CEP131: variants seen among roughly 807,000 people sequenced by gnomAD.
The protein encoded by CEP131 is centrosomal protein 131, also known as centrosomal protein of 131 kDa.
Under a neutral mutation model 136.8 loss-of-function variants are expected in CEP131, and 99 were observed. The ratio of observed to expected loss-of-function variants is 0.72; its 90% CI spans 0.62 to 0.86. The LOEUF (loss-of-function observed/expected upper bound fraction) is 0.86. Among genes scored for constraint, CEP131 ranks in the 40% least tolerant of loss-of-function variants. The pLI is 0.00. For synonymous variants in CEP131, 646 were observed against 612.7 expected (o/e 1.05, Z -0.80); for missense variants, 1,459 against 1,463.0 (o/e 1.00, Z 0.04).
chr17:81,196,662 G>C, intron 15 of CEP131, 39 bp downstream of exon 15: 1 of 1,582,394 alleles, frequency 6.3e-7, no homozygotes, highest in Non-Finnish European at 8.5e-7. Context: ...CATGAGCCAC[G>C]CGCTGGGTCC....
At position 81,200,422 on chromosome 17, in the gene CEP131, G is replaced by C; in HGVS notation, c.813C>G (p.Ala271=). 2 of 1,551,628 alleles carry C rather than the reference G, an allele frequency of 1.3e-6. No individual in the cohort carries two copies. Among genetic ancestry groups the C allele is most frequent in the Non-Finnish European group, 1.7e-6 (2 of 1,147,918 alleles). ...GGTACCAGCGCTGGATGGTGACAGT[G>C]GCCTGGTTCACCTGGTGGATAAACC... ...AERFIHQVNQ[A]TVTIQRWYRH... is the part of the protein sequence containing the mutation. The change falls in exon 8 of 26, where the codon GCC becomes GCG. Residue 271 remains alanine, a synonymous_variant. Transcript: ENST00000450824.
intron 18 of CEP131, among the ~76,000 whole-genome samples, chr17:81,193,661 GC>G (rs1235011682): frequency 6.6e-6 from 1 of 152,206 alleles, no homozygotes; most frequent in Non-Finnish European, 1.5e-5. Flanking sequence ...GGGGTTCCCA[GC>G]CCTGACCCTG....
chr17:81,220,664 T>C (rs563738690), intron 1 of CEP131, among the ~76,000 whole-genome samples: 1 of 152,078 alleles, frequency 6.6e-6, no homozygotes, highest in African/African-American at 2.4e-5. Context: ...CTGGCTAATT[T>C]TTGTATTTTT....
At chr17:81,200,769 C>T (rs1249690590) in intron 7 of CEP131, among the ~76,000 whole-genome samples, 3 of 152,190 alleles carry the variant, frequency 2.0e-5, no homozygotes, top group Non-Finnish European at 2.9e-5. Context: ...CTGGCTACAG[C>T]GTGAATACTG....
intron 3 of CEP131, 29 bp from the exon 4 acceptor site, chr17:81,207,268 GAA>G (rs749970104): frequency 5.6e-6 from 9 of 1,605,544 alleles, no homozygotes; most frequent in Middle Eastern, 3.3e-4. Context: ...GGCACACAAG[GAA>G]AGAGTCACCA....
chr17:81,204,745 C>T (rs973925257), intron 5 of CEP131, among the ~76,000 whole-genome samples: 6 of 151,814 alleles, frequency 4.0e-5, no homozygotes, highest in Non-Finnish European at 8.8e-5. Flanking sequence ...CCGGACCACA[C>T]CTGCACCGGA....
intron 2 of CEP131, among the ~76,000 whole-genome samples, chr17:81,214,577 T>G (rs2062204222): frequency 1.3e-5 from 2 of 151,438 alleles, no homozygotes. Context: ...AAGAAAAAAA[T>G]AAAATAAAAA....
chr17:81,194,257 C>G, intron 17 of CEP131, 130 bp from the exon 18 acceptor site: 1 of 831,478 alleles, frequency 1.2e-6, no homozygotes, highest in Non-Finnish European at 1.8e-6. Context: ...TGGATCCAAC[C>G]CGAAGCACAG....
rs922637428 is a variant in CEP131 at position 81,219,187 on chromosome 17, C to T, written c.177+693G>A. 1.0e-3 allele frequency among the ~76,000 whole-genome samples: 157 copies of T among 152,282 alleles called. No individual in the cohort carries two copies. Among genetic ancestry groups the T allele is most frequent in the African/African-American group, 3.5e-3 (147 of 41,564 alleles). ...TGGGCAGGAAAGGCAGCTCTCACCCCGAAGCTCCCACGGCTGTCCTGCTGC... is the reference window on the plus strand; with the variant it reads ...TGGGCAGGAAAGGCAGCTCTCACCCTGAAGCTCCCACGGCTGTCCTGCTGC... On this transcript the variant is annotated intron_variant, in intron 2 of 25. Transcript: ENST00000450824. This position sits in a 1 kb window ranked among gnomAD's most constrained non-coding sequence, Gnocchi z 4.0.
intron 7 of CEP131, among the ~76,000 whole-genome samples, chr17:81,201,978 G>A (rs979421960): frequency 6.6e-6 from 1 of 152,032 alleles, no homozygotes; most frequent in Non-Finnish European, 1.5e-5. Context: ...GCGGGCACCT[G>A]TAGTCCCAGC....
chr17:81,194,852 T>C lies in CEP131; in HGVS notation c.2119+18A>G, dbSNP rs2061719767. ...ACCCACCCCACACCTGGCCGGCTCA[T>C]GGGAGGGGAGGGCCCACCTCGGACA... On this transcript the variant is annotated intron_variant, in intron 17 of 25. Coordinates refer to ENST00000450824, the MANE Select transcript of CEP131 (RefSeq NM_014984.4). 6.2e-7 allele frequency: 1 copy of C among 1,605,792 alleles called. No individual in the cohort carries two copies. The highest frequency in any genetic ancestry group is 1.7e-5 in the Admixed American group (1 of 59,980).
chr17:81,203,923 C>A lies in CEP131; in HGVS notation c.516-316G>T. The A allele has an allele frequency of 3.2e-6, 1 of 307,914 alleles. No individual in the cohort carries two copies. The highest frequency in any genetic ancestry group is 6.1e-6 in the Non-Finnish European group (1 of 163,176). The allele number at this position is 307,914 out of a possible 1,614,324, so 19.1% of individuals were successfully genotyped here. On this transcript the variant is annotated intron_variant, in intron 5 of 25. Coordinates refer to ENST00000450824, the MANE Select transcript of CEP131 (RefSeq NM_014984.4). The surrounding 1 kb of genome is among the most constrained non-coding windows in gnomAD (Gnocchi z 4.6). ...GCTCACAATCAGCTTCCAGAGCAGACTCACAGAAGCGAAGCCCCATCCCAC... is the reference window on the plus strand; with the variant it reads ...GCTCACAATCAGCTTCCAGAGCAGAATCACAGAAGCGAAGCCCCATCCCAC...
chr17:81,210,829 C>CA (rs11379490), intron 2 of CEP131, among the ~76,000 whole-genome samples: 63,407 of 136,014 alleles, frequency 0.47, 14,694 homozygotes, highest in African/African-American at 0.52. Context: ...AAAAAAAGAC[C>CA]AAAAAAAAAA....
intron 24 of CEP131, 79 bp from the exon 25 acceptor site, chr17:81,190,054 G>A (rs565241137): frequency 1.7e-5 from 22 of 1,309,116 alleles, no homozygotes; most frequent in African/African-American, 4.4e-5. Flanking sequence ...CAGGGTGCAC[G>A]GGGCAGCCGC....
intron 5 of CEP131, among the ~76,000 whole-genome samples, chr17:81,205,191 G>C (rs748426890): frequency 6.7e-6 from 1 of 149,890 alleles, no homozygotes; most frequent in African/African-American, 2.5e-5. Context: ...CCCGGGAAGC[G>C]GAGGTTGCGG....
rs11379490 is a variant in CEP131, at chr17:81,210,829, CA to C, written c.178-1808del. Among the ~76,000 whole-genome samples, 1,032 of 136,090 alleles carry C rather than the reference CA, an allele frequency of 7.6e-3. 4 individuals carry two copies. Among genetic ancestry groups the C allele is most frequent in the African/African-American group, 0.017 (636 of 37,356 alleles). The allele number at this position is 136,090 out of a possible 152,430, so 89.3% of individuals were successfully genotyped here. On this transcript the variant is annotated intron_variant, in intron 2 of 25. Transcript: ENST00000450824. ...AAACAACCCAACTTCAAAAAAAGAC[CA>C]AAAAAAAAAAAAAAGGCTCCAGGAA...
rs151214434 is a variant in CEP131, at chr17:81,194,872, C to T, written c.2117G>A (p.Arg706Gln). The T allele has an allele frequency of 2.8e-4, 456 of 1,613,226 alleles. 1 individual carries two copies. Among genetic ancestry groups the T allele is most frequent in the East Asian group, 8.9e-4 (40 of 44,882 alleles). Residue 706 changes from arginine (R) to glutamine (Q), a missense_variant and splice_region_variant, in exon 17 of 26, where the codon CGA (arginine) becomes CAA (glutamine). Around this residue, in one of 3 missense-constraint regions of CEP131, gnomAD observed 1,026 missense variants for 964.2 expected, o/e 1.06. Transcript: ENST00000450824. Reference sequence around the variant, plus strand: ...GCTCATGGGAGGGGAGGGCCCACCTCGGACAGTGACCTCCTTGATCTTCTT... The same window carrying T: ...GCTCATGGGAGGGGAGGGCCCACCTTGGACAGTGACCTCCTTGATCTTCTT... The part of the protein sequence containing the change: ...KTKKIKEVTV[R>Q]GLEPEIQKLI...
chr17:81,190,087 T>G, intron 24 of CEP131, 112 bp from the exon 25 acceptor site: 1 of 969,886 alleles, frequency 1.0e-6, no homozygotes, highest in Non-Finnish European at 1.5e-6. Context: ...GTCCCAGCCC[T>G]GCTGACCACG....
chr17:81,220,229 C>T (rs969822877), intron 1 of CEP131, among the ~76,000 whole-genome samples, 156 bp from the exon 2 acceptor site: 1 of 152,226 alleles, frequency 6.6e-6, no homozygotes, highest in African/African-American at 2.4e-5. Flanking sequence ...TGGTGGCAGG[C>T]TCCTCGACAG....
Sources: allele counts gnomAD v4.1 joint callset (sites outside exome capture counted in the v4.1 genomes callset), GRCh38; gene constraint gnomAD v4.1.1; regional missense constraint gnomAD v4.1.1; non-coding constraint Gnocchi (gnomAD v3.1); transcripts MANE v1.5; gene names NCBI Gene and HGNC (gene_info 2026-07-23, HGNC 2026-07-21).